TANGO6: variants seen among roughly 807,000 people sequenced by gnomAD.
TANGO6 encodes transport and Golgi organization protein 6 homolog.
TANGO6 carries 90 observed loss-of-function variants against 114.2 expected under a neutral mutation model. The observed-to-expected ratio is 0.79, with a 90% CI of 0.66 to 0.94. The LOEUF (loss-of-function observed/expected upper bound fraction) is 0.94. TANGO6 is among the 40% of genes least tolerant of loss of function. The probability of loss-of-function intolerance (pLI) is 0.00; values close to 1 mark genes in which losing one functional copy is unlikely to be tolerated. For missense variants in TANGO6, 1,274 were observed against 1,315.3 expected (o/e 0.97, Z 0.49); for synonymous variants, 477 against 509.8 (o/e 0.94, Z 0.87).
At chr16:68,933,833 G>GT (rs1323707986) in intron 14 of TANGO6, 1 of 152,232 alleles carries the variant, frequency 6.6e-6, no homozygotes, top group Non-Finnish European at 1.5e-5. Context: ...CATTGATGCA[G>GT]TAATGCCCTT....
intron 15 of TANGO6, among the ~76,000 whole-genome samples, chr16:69,012,305 C>A (rs770532467): frequency 6.6e-6 from 1 of 151,838 alleles, no homozygotes; most frequent in African/African-American, 2.4e-5. Flanking sequence ...GCCTGTAATC[C>A]CAGCATTTTG....
chr16:69,031,161 G>C (rs1194314864), intron 16 of TANGO6, among the ~76,000 whole-genome samples: 1 of 152,050 alleles, frequency 6.6e-6, no homozygotes, highest in Non-Finnish European at 1.5e-5. Context: ...CTCTTGTCCA[G>C]TGATCCTGCC....
rs1047798507 is a variant in TANGO6 at position 68,896,185 on chromosome 16, T to TTAG, written c.1378-4245_1378-4243dup. Among the ~76,000 whole-genome samples, 43 of 152,136 alleles carry TTAG rather than the reference T, an allele frequency of 2.8e-4. 1 individual carries two copies. The highest frequency in any genetic ancestry group is 9.7e-4 in the African/African-American group (40 of 41,434). On this transcript the variant is annotated intron_variant, in intron 7 of 17. Coordinates refer to ENST00000261778, the MANE Select transcript of TANGO6 (RefSeq NM_024562.2). ...CCACACCTGGCTAGTTTTTGCATTT[T>TTAG]TAGTAGAGACAGGGTTTCGTCATGT...
At chr16:69,041,212 C>T (rs1233317051) in intron 17 of TANGO6, among the ~76,000 whole-genome samples, 17 of 151,824 alleles carry the variant, frequency 1.1e-4, no homozygotes, top group African/African-American at 2.4e-4. Flanking sequence ...TTTAGGAGGC[C>T]GAGGCAGGCG....
At chr16:69,044,881 C>T (rs1197294034) in intron 17 of TANGO6, among the ~76,000 whole-genome samples, 2 of 151,994 alleles carry the variant, frequency 1.3e-5, no homozygotes, top group Non-Finnish European at 1.5e-5. Flanking sequence ...AAAGGCTGGG[C>T]GCAGTGCCTC....
At chr16:69,039,152 T>C (rs1959735590) in intron 16 of TANGO6, among the ~76,000 whole-genome samples, 1 of 151,588 alleles carries the variant, frequency 6.6e-6, no homozygotes, top group Non-Finnish European at 1.5e-5. Context: ...GCCACTGCAC[T>C]CCAGCCTGGG....
chr16:68,963,240 G>A (rs1346948385), intron 14 of TANGO6, among the ~76,000 whole-genome samples: 1 of 151,838 alleles, frequency 6.6e-6, no homozygotes, highest in Non-Finnish European at 1.5e-5. Flanking sequence ...TCCCACCTCA[G>A]CCTCCATAGT....
At chr16:69,022,657 T>G (rs932416029) in intron 15 of TANGO6, among the ~76,000 whole-genome samples, 171 bp from the exon 16 acceptor site, 3 of 152,116 alleles carry the variant, frequency 2.0e-5, no homozygotes, top group Non-Finnish European at 4.4e-5. Context: ...TGAGCTGTGA[T>G]TGTGCCACTG....
At chr16:69,010,931 A>G (rs1207526908) in intron 15 of TANGO6, among the ~76,000 whole-genome samples, 1 of 152,198 alleles carries the variant, frequency 6.6e-6, no homozygotes, top group Non-Finnish European at 1.5e-5. Context: ...TGTTTAAAAT[A>G]TTGTGTTTTC....
intron 15 of TANGO6, among the ~76,000 whole-genome samples, chr16:68,979,042 C>G (rs1160050383): frequency 2.0e-5 from 3 of 149,908 alleles, no homozygotes; most frequent in Non-Finnish European, 3.0e-5. Context: ...CCCTCAGCTT[C>G]CCAAGTAGCT....
In TANGO6 at chr16:68,979,113, G is replaced by C. The variant is rs140569414; in HGVS notation, c.2842+4945G>C. 4.9e-4 allele frequency among the ~76,000 whole-genome samples: 74 copies of C among 151,900 alleles called. No individual in the cohort carries two copies. The Middle Eastern group carries it at 0.01, about 21-fold the overall frequency. On this transcript the variant is annotated intron_variant, in intron 15 of 17. Transcript: ENST00000261778. ...TATTAAATTTTTTATAGAGATGGGG[G>C]TCTCGCTGTGTTCCCCAGGCTGATC...
At chr16:69,011,482 C>A (rs115779887) in intron 15 of TANGO6, among the ~76,000 whole-genome samples, 3,125 of 148,384 alleles carry the variant, frequency 0.021, 118 homozygotes, top group African/African-American at 0.074. Context: ...GAAAAAGGGT[C>A]TTGCTGTGTC....
rs142396536 is a variant in TANGO6, at chr16:69,034,159, G to A, written c.2995-6149G>A. On this transcript the variant is annotated intron_variant, in intron 16 of 17. Transcript: ENST00000261778. ...TTGTCCCTATGCGGAGAGGTTACTG[G>A]GGGAACAAGATCGGCAAGTCCTACA... The A allele has an allele frequency of 2.6e-5, 4 of 153,744 alleles. No individual in the cohort carries two copies. In the East Asian group the frequency reaches 7.7e-4, roughly 30 times the overall value. The allele number at this position is 153,744 out of a possible 1,614,324, so 9.5% of individuals were successfully genotyped here. A position where few individuals can be genotyped will look rare whatever the true frequency, so the allele number is the denominator to read the frequency against.
chr16:68,877,175 A>G (rs985888880), intron 5 of TANGO6, among the ~76,000 whole-genome samples: 2 of 152,180 alleles, frequency 1.3e-5, no homozygotes, highest in Non-Finnish European at 2.9e-5. Flanking sequence ...AATCTGATAC[A>G]TGAAAAATGT....
chr16:68,857,662 C>T (rs979029970), intron 1 of TANGO6, among the ~76,000 whole-genome samples: 1 of 152,114 alleles, frequency 6.6e-6, no homozygotes, highest in Non-Finnish European at 1.5e-5. Flanking sequence ...CCTGTTGCTC[C>T]ACATCCTTGT....
At chr16:69,042,317 C>T (rs1002123384) in intron 17 of TANGO6, among the ~76,000 whole-genome samples, 16 of 152,006 alleles carry the variant, frequency 1.1e-4, no homozygotes, top group South Asian at 6.2e-4. Context: ...GAGGCTGAGG[C>T]GGGTGGATCA....
chr16:68,886,033 T>A (rs1962535337), intron 7 of TANGO6, among the ~76,000 whole-genome samples: 1 of 152,234 alleles, frequency 6.6e-6, no homozygotes, highest in Admixed American at 6.5e-5. Context: ...TTTCTCTACA[T>A]CTGGCCAAAA....
intron 1 of TANGO6, among the ~76,000 whole-genome samples, chr16:68,844,552 C>T (rs565759012): frequency 3.9e-5 from 6 of 152,052 alleles, no homozygotes; most frequent in Non-Finnish European, 5.9e-5. Context: ...AGCAAGGGCA[C>T]ATGAAAGGCC....
intron 4 of TANGO6, among the ~76,000 whole-genome samples, chr16:68,873,107 C>G (rs1469342186): frequency 6.6e-6 from 1 of 151,582 alleles, no homozygotes; most frequent in East Asian, 1.9e-4. Context: ...TTTCCTCAAC[C>G]CTCCCCCCAT....
Sources: allele counts gnomAD v4.1 joint callset (sites outside exome capture counted in the v4.1 genomes callset), GRCh38; gene constraint gnomAD v4.1.1; transcripts MANE v1.5; gene names NCBI Gene and HGNC (gene_info 2026-07-23, HGNC 2026-07-21).